SNRPN: variants seen among roughly 807,000 people sequenced by gnomAD.
The protein encoded by SNRPN is small nuclear ribonucleoprotein polypeptide N, also known as small nuclear ribonucleoprotein-associated protein N.
SNRPN carries 7 observed loss-of-function variants against 25.2 expected under a neutral mutation model. The ratio of observed to expected loss-of-function variants is 0.28; its 90% CI spans 0.16 to 0.52. The LOEUF is 0.52. SNRPN is among the 20% of genes least tolerant of loss of function. The pLI, the probability that SNRPN is intolerant of heterozygous loss-of-function variation, is 0.96. For synonymous variants in SNRPN, 124 were observed against 110.6 expected (o/e 1.12, Z -0.76); for missense variants, 196 against 322.5 (o/e 0.61, Z 3.00).
intron 3 of SNRPN, among the ~76,000 whole-genome samples, chr15:24,944,142 A>G (rs1328488777): frequency 2.0e-5 from 3 of 152,166 alleles, no homozygotes; most frequent in African/African-American, 7.2e-5. Context: ...TTCTTGCAGA[A>G]TCATGTGACC....
intron 2 of SNRPN, among the ~76,000 whole-genome samples, chr15:24,913,876 G>T (rs1036412016): frequency 6.6e-6 from 1 of 152,204 alleles, no homozygotes; most frequent in African/African-American, 2.4e-5. Flanking sequence ...AGCATCTTCA[G>T]CAGAGAACCG....
intron 3 of SNRPN, among the ~76,000 whole-genome samples, chr15:24,925,491 C>T (rs1211393705): frequency 6.6e-6 from 1 of 152,110 alleles, no homozygotes; most frequent in Admixed American, 6.6e-5. Context: ...CTCCCCAACA[C>T]TTCCCTGGCT....
intron 3 of SNRPN, among the ~76,000 whole-genome samples, chr15:24,939,956 A>AT (rs2061454100): frequency 6.6e-6 from 1 of 151,712 alleles, no homozygotes; most frequent in Non-Finnish European, 1.5e-5. Flanking sequence ...TGCCCAGCTA[A>AT]TTTTTGTATT....
At chr15:24,880,204 GC>G (rs1338577250) in intron 1 of SNRPN, among the ~76,000 whole-genome samples, 1 of 152,172 alleles carries the variant, frequency 6.6e-6, no homozygotes, top group African/African-American at 2.4e-5. Context: ...TCCCTGAGCA[GC>G]CACTGTCATG....
chr15:24,916,999 A>G (rs1341981370), intron 2 of SNRPN, among the ~76,000 whole-genome samples: 1 of 152,154 alleles, frequency 6.6e-6, no homozygotes, highest in East Asian at 1.9e-4. Context: ...GTCCCCACCC[A>G]TATCCTGCTG....
chr15:24,844,512 A>G (rs2052015627), intron 2 of SNRPN, among the ~76,000 whole-genome samples: 1 of 150,786 alleles, frequency 6.6e-6, no homozygotes. Flanking sequence ...TTTGACTAAG[A>G]ATAATTTGTC....
chr15:24,916,239 C>G (rs147377447), intron 2 of SNRPN, among the ~76,000 whole-genome samples: 2 of 152,082 alleles, frequency 1.3e-5, no homozygotes, highest in Non-Finnish European at 2.9e-5. Flanking sequence ...GGATTACAGG[C>G]GTGAGCCACC....
chr15:24,936,727 G>A (rs1159611066), intron 3 of SNRPN, among the ~76,000 whole-genome samples: 1 of 151,952 alleles, frequency 6.6e-6, no homozygotes, highest in Non-Finnish European at 1.5e-5. Flanking sequence ...CAGATCTTGT[G>A]ATATATCACA....
intron 1 of SNRPN, among the ~76,000 whole-genome samples, chr15:24,859,918 C>G (rs1319288218): frequency 6.6e-6 from 1 of 152,212 alleles, no homozygotes; most frequent in Non-Finnish European, 1.5e-5. Context: ...TCACTCTCGT[C>G]ACCATCATGG....
chr15:24,830,656 T>A (rs1413196264), intron 2 of SNRPN, among the ~76,000 whole-genome samples: 1 of 152,118 alleles, frequency 6.6e-6, no homozygotes, highest in African/African-American at 2.4e-5. Flanking sequence ...CAAATTATTT[T>A]AAAAAATTTC....
intron 2 of SNRPN, chr15:24,908,913 T>C (rs1269597830): frequency 2.1e-6 from 2 of 956,094 alleles, no homozygotes; most frequent in African/African-American, 1.7e-5. Context: ...AAAATCATCA[T>C]AGAAAATTGT....
At chr15:24,924,181 T>C (rs1219228683) in intron 3 of SNRPN, among the ~76,000 whole-genome samples, 1 of 151,828 alleles carries the variant, frequency 6.6e-6, no homozygotes, top group African/African-American at 2.4e-5. Flanking sequence ...AAATTAGATA[T>C]GGACACAGGG....
At chr15:24,869,440 A>G (rs2054879421) in intron 1 of SNRPN, among the ~76,000 whole-genome samples, 1 of 152,132 alleles carries the variant, frequency 6.6e-6, no homozygotes, top group Non-Finnish European at 1.5e-5. Context: ...CCGAATGAAC[A>G]CTTTGTGTTC....
intron 2 of SNRPN, among the ~76,000 whole-genome samples, chr15:24,906,693 G>C (rs1015504166): frequency 3.9e-5 from 6 of 152,136 alleles, no homozygotes; most frequent in African/African-American, 1.2e-4. Flanking sequence ...CTCAATTTCT[G>C]AGGTGCCATA....
At chr15:24,858,914 C>T (rs909285572) in intron 1 of SNRPN, among the ~76,000 whole-genome samples, 6 of 151,932 alleles carry the variant, frequency 3.9e-5, no homozygotes, top group African/African-American at 1.2e-4. Flanking sequence ...GTTGCATGCC[C>T]GGACATGCCA....
At chr15:24,974,673 T>C (rs918087776) in intron 4 of SNRPN, 7 of 626,890 alleles carry the variant, frequency 1.1e-5, no homozygotes, top group Non-Finnish European at 1.7e-5. Context: ...CAGTCTGGAG[T>C]GCAGTGGTGC....
chr15:24,940,520 G>A (rs1349510912), intron 3 of SNRPN, among the ~76,000 whole-genome samples: 1 of 152,184 alleles, frequency 6.6e-6, no homozygotes, highest in African/African-American at 2.4e-5. Flanking sequence ...CCATATGGAA[G>A]AGTTTATTTC....
At chr15:24,845,111 G>A (rs1284869973) in intron 2 of SNRPN, among the ~76,000 whole-genome samples, 1 of 152,082 alleles carries the variant, frequency 6.6e-6, no homozygotes, top group Non-Finnish European at 1.5e-5. Context: ...TGGCACATGA[G>A]TCAAAAACCT....
chr15:24,946,993 C>T (rs1008034479), intron 3 of SNRPN, among the ~76,000 whole-genome samples: 1 of 152,120 alleles, frequency 6.6e-6, no homozygotes, highest in East Asian at 1.9e-4. Context: ...CATTGAATTT[C>T]TGCTTCTGAA....
Sources: gnomAD v4.1 joint callset for allele counts (sites outside exome capture counted in the v4.1 genomes callset) on GRCh38, gnomAD v4.1.1 for gene constraint, MANE v1.5 for transcripts, NCBI Gene and HGNC (gene_info 2026-07-23, HGNC 2026-07-21) for gene names.